The following XYLT2 variants were observed in gnomAD, a reference collection of about 807,000 sequenced individuals.
XYLT2 encodes the protein xylosyltransferase 2.
In XYLT2, 37 loss-of-function variants were observed where a neutral mutation model predicts 82.6. The observed-to-expected ratio is 0.45, with a 90% CI of 0.34 to 0.59. The LOEUF (loss-of-function observed/expected upper bound fraction) is 0.59, where lower values mean the gene tolerates loss of function less well. Ranked by LOEUF, XYLT2 falls within the 20% of genes least tolerant of loss-of-function variation. XYLT2 has a pLI of 0.01. For synonymous variants in XYLT2, 474 were observed against 499.0 expected (o/e 0.95, Z 0.67); for missense variants, 934 against 1,181.3 (o/e 0.79, Z 3.07).
Position 50,353,996 on chromosome 17 carries a change from G to C in XYLT2, c.502G>C (p.Asp168His). ...CCCCAAGTGCGAGATCGTGGGCAAG[G>C]ACGCACTGTCTGCACTGGCCCGGGC... is the stretch of plus-strand genomic sequence containing the variant. ...FTPKCEIVGKDALSALARAST... is the reference protein window; with the variant it reads ...FTPKCEIVGKHALSALARAST... Residue 168 changes from aspartate to histidine, a missense_variant, in exon 2 of 11, where the codon GAC becomes CAC. This residue lies in a region of XYLT2 where 371 missense variants were observed against 394.9 expected (regional missense o/e 0.94). Coordinates refer to ENST00000017003, the MANE Select transcript of XYLT2 (RefSeq NM_022167.4). 1.2e-6 allele frequency: 2 copies of C among 1,606,910 alleles called. No individual in the cohort carries two copies. The highest frequency in any genetic ancestry group is 1.7e-6 in the Non-Finnish European group (2 of 1,179,924).
Position 50,360,866 on chromosome 17 carries a change from G to C in XYLT2, c.*575G>C. Reference sequence around the variant, plus strand: ...AACAGGTGATATCGGGGGCGCTGCAGAGCTGGGCTCTAGCAGGACAGTTCT... The same window carrying C: ...AACAGGTGATATCGGGGGCGCTGCACAGCTGGGCTCTAGCAGGACAGTTCT... On this transcript the variant is annotated 3_prime_UTR_variant, in exon 11 of 11. Coordinates refer to ENST00000017003, the MANE Select transcript of XYLT2 (RefSeq NM_022167.4). 1.0e-6 allele frequency: 1 copy of C among 985,974 alleles called. No individual in the cohort carries two copies. Among genetic ancestry groups the C allele is most frequent in the Non-Finnish European group, 1.2e-6 (1 of 830,006 alleles). The allele number at this position is 985,974 out of a possible 1,614,324, so 61.1% of individuals were successfully genotyped here.
In XYLT2 at chr17:50,353,768, G is replaced by A. The variant is rs369894723; in HGVS notation, c.274G>A (p.Val92Met). The A allele has an allele frequency of 1.3e-5, 20 of 1,559,096 alleles. No homozygotes were observed. Among genetic ancestry groups the A allele is most frequent in the African/African-American group, 1.1e-4 (8 of 73,510 alleles). The change falls in exon 2 of 11, where the codon GTG (valine) becomes ATG (methionine). Residue 92 changes from valine (V) to methionine (M), a missense_variant. Physicochemically the swap from Val to Met is conservative, Grantham distance 21. Coordinates refer to ENST00000017003, the MANE Select transcript of XYLT2 (RefSeq NM_022167.4). ...RGRAESPGVP[V>M]AKVVRAVTSR... is the part of the protein sequence containing the mutation. The stretch of plus-strand genomic sequence containing the variant: ...CCGTGCTGAGAGCCCAGGAGTGCCC[G>A]TGGCCAAGGTGGTACGGGCAGTAAC...
chr17:50,360,719 G>A lies in XYLT2; in HGVS notation c.*428G>A, dbSNP rs976905473. 3 of 991,086 alleles carry A rather than the reference G, an allele frequency of 3.0e-6. No homozygotes were observed. In the East Asian group the frequency reaches 3.3e-4, roughly 110 times the overall value. 61.4% of individuals were successfully genotyped at this position (991,086 alleles called of 1,614,324 possible). A position where few individuals can be genotyped will look rare whatever the true frequency, so the allele number is the denominator to read the frequency against. Reference sequence around the variant, plus strand: ...GGGCTTGCTGAGCCCACCTGCTATTGTTCTGCACGAGGCTGGGCCTGCCTC... The same window carrying A: ...GGGCTTGCTGAGCCCACCTGCTATTATTCTGCACGAGGCTGGGCCTGCCTC... On this transcript the variant is annotated 3_prime_UTR_variant, in exon 11 of 11. Coordinates refer to ENST00000017003, the MANE Select transcript of XYLT2 (RefSeq NM_022167.4).
chr17:50,357,180 G>A lies in XYLT2; in HGVS notation c.1869G>A (p.Met623Ile), dbSNP rs765381121. 6.2e-7 allele frequency: 1 copy of A among 1,612,510 alleles called. No individual in the cohort carries two copies. The highest frequency in any genetic ancestry group is 2.2e-5 in the East Asian group (1 of 44,882). ...AGGGGCCGGCAGAGACGCTTGAGAT[G>A]TGGCTGATGCCCCAAGGGTCGCTGA... ...SAQGPAETLE[M>I]WLMPQGSLKL... The change falls in exon 9 of 11, where the codon ATG becomes ATA. Residue 623 changes from methionine (M) to isoleucine (I), a missense_variant. Met to Ile is a conservative substitution (Grantham distance 10). Transcript: ENST00000017003.
chr17:50,354,388 C>CGCCT lies in XYLT2; in HGVS notation c.629-18_629-15dup. 2 of 1,593,238 alleles carry CGCCT rather than the reference C, an allele frequency of 1.3e-6. No individual in the cohort carries two copies. ...TGTGACCTAGGGTGGGCCTCGCCAACGCCTGTCCTCTGCTCTCAGGGAAGA... is the reference window on the plus strand; with the variant it reads ...TGTGACCTAGGGTGGGCCTCGCCAACGCCTGCCTGTCCTCTGCTCTCAGGGAAGA... On this transcript the variant is annotated intron_variant, in intron 2 of 10. Coordinates refer to ENST00000017003, the MANE Select transcript of XYLT2 (RefSeq NM_022167.4).
In XYLT2 at chr17:50,356,280, A is replaced by G; in HGVS notation, c.1482+19A>G. On this transcript the variant is annotated intron_variant, in intron 7 of 10. Coordinates refer to ENST00000017003, the MANE Select transcript of XYLT2 (RefSeq NM_022167.4). ...GCTGCAGGTGCTTGCCCGAGGCCCC[A>G]AGGCCCCTGGCTAGGTCTTCTCCCC... is the stretch of plus-strand genomic sequence containing the variant. 5 of 1,610,358 alleles carry G rather than the reference A, an allele frequency of 3.1e-6. No individual in the cohort carries two copies. Among genetic ancestry groups the G allele is most frequent in the Non-Finnish European group, 4.2e-6 (5 of 1,177,038 alleles).
chr17:50,354,553 G>T lies in XYLT2; in HGVS notation c.774G>T (p.Glu258Asp). The T allele has an allele frequency of 6.2e-7, 1 of 1,611,742 alleles. No individual in the cohort carries two copies. ...LKRLLKAVYH[E>D]QHFFYIHVDK... ...GTCTCCTCAAGGCCGTTTATCACGA[G>T]CAGCACTTCTTTTACATCCATGTGG... The change falls in exon 3 of 11, where the codon GAG becomes GAT. Residue 258 changes from glutamate to aspartate, a missense_variant. Physicochemically the swap from Glu to Asp is conservative, Grantham distance 45. Around this residue, in one of 3 missense-constraint regions of XYLT2, gnomAD observed 371 missense variants for 394.9 expected, o/e 0.94. Transcript: ENST00000017003.
At chr17:50,347,588 G>A (rs751126031) in intron 1 of XYLT2, among the ~76,000 whole-genome samples, 1 of 152,208 alleles carries the variant, frequency 6.6e-6, no homozygotes, top group Non-Finnish European at 1.5e-5. Flanking sequence ...ATTCCAAGAT[G>A]GAATGGGCTG....
chr17:50,359,319 G>A (rs562790045), intron 10 of XYLT2: 2 of 152,742 alleles, frequency 1.3e-5, no homozygotes, highest in African/African-American at 4.8e-5. Context: ...TGAGGGATGA[G>A]CCTCTGGAGG....
Position 50,360,295 on chromosome 17 carries a change from G to A in XYLT2, c.*4G>A, listed in dbSNP as rs752194705. 2.9e-5 allele frequency: 46 copies of A among 1,578,696 alleles called. No individual in the cohort carries two copies. The highest frequency in any genetic ancestry group is 4.0e-5 in the Non-Finnish European group (46 of 1,160,806). ...AGCAGACGGGCGACTCAGGTAGCAGGGCCCCAGCCAGTACCCGTGGAGGAC... is the reference window on the plus strand; with the variant it reads ...AGCAGACGGGCGACTCAGGTAGCAGAGCCCCAGCCAGTACCCGTGGAGGAC... On this transcript the variant is annotated 3_prime_UTR_variant, in exon 11 of 11. Coordinates refer to ENST00000017003, the MANE Select transcript of XYLT2 (RefSeq NM_022167.4).
chr17:50,356,105 G>A lies in XYLT2; in HGVS notation c.1326G>A (p.Leu442=). ...LPAESFFHTV[L]ENSLACETLV... ...TGCAGTCCTTCTTCCACACGGTGCT[G>A]GAGAACAGCCTGGCCTGTGAGACCC... Residue 442 remains leucine (L), a synonymous_variant, in exon 7 of 11, where the codon CTG becomes CTA. Coordinates refer to ENST00000017003, the MANE Select transcript of XYLT2 (RefSeq NM_022167.4). 1 of 1,614,246 alleles carries A rather than the reference G, an allele frequency of 6.2e-7. No homozygotes were observed. The highest frequency in any genetic ancestry group is 8.5e-7 in the Non-Finnish European group (1 of 1,180,038).
intron 9 of XYLT2, chr17:50,357,607 T>C (rs1912603051): frequency 9.5e-6 from 2 of 209,524 alleles, no homozygotes; most frequent in Non-Finnish European, 1.9e-5. Flanking sequence ...TTTTTTTTTT[T>C]TTGAGACAGT....
At chr17:50,349,752 T>C (rs1598347635) in intron 1 of XYLT2, among the ~76,000 whole-genome samples, 1 of 151,822 alleles carries the variant, frequency 6.6e-6, no homozygotes, top group Non-Finnish European at 1.5e-5. Flanking sequence ...AGTGGGTAGG[T>C]TGGGGGAAGT....
At chr17:50,355,101 T>C (rs1912461412) in intron 4 of XYLT2, 45 bp downstream of exon 4, 2 of 1,510,576 alleles carry the variant, frequency 1.3e-6, no homozygotes, top group East Asian at 2.3e-5. Flanking sequence ...AGGGGACCCC[T>C]GTCTGGGCAC....
chr17:50,356,340 G>A, intron 7 of XYLT2, 79 bp downstream of exon 7: 1 of 1,571,898 alleles, frequency 6.4e-7, no homozygotes, highest in South Asian at 1.2e-5. Flanking sequence ...GGGTGGGCCA[G>A]TAAGAGAATC....
At chr17:50,350,291 C>G (rs144493237) in intron 1 of XYLT2, among the ~76,000 whole-genome samples, 1,290 of 98,124 alleles carry the variant, frequency 0.013, 363 homozygotes, top group African/African-American at 0.042. Context: ...TAAGGCCAGG[C>G]ACAGTGGCTT....
chr17:50,351,723 G>A (rs891589735), intron 1 of XYLT2, among the ~76,000 whole-genome samples: 1 of 152,216 alleles, frequency 6.6e-6, no homozygotes. Context: ...GATGAAGTAG[G>A]AGCAGGTTGG....
At chr17:50,357,002 C>CA in intron 8 of XYLT2, 55 bp from the exon 9 acceptor site, 12 of 1,537,606 alleles carry the variant, frequency 7.8e-6, no homozygotes, top group Non-Finnish European at 1.1e-5. Context: ...CCTGGGACTC[C>CA]AGGCCAAGTC....
At chr17:50,359,941 G>A (rs1912726623) in intron 10 of XYLT2, 28 bp from the exon 11 acceptor site, 1 of 1,531,428 alleles carries the variant, frequency 6.5e-7, no homozygotes, top group Non-Finnish European at 8.8e-7. Context: ...TGCAGGGGGT[G>A]TGCTTACTGC....
Sources: gnomAD v4.1 joint callset for allele counts (sites outside exome capture counted in the v4.1 genomes callset) on GRCh38, gnomAD v4.1.1 for gene constraint, gnomAD v4.1.1 regional missense constraint, MANE v1.5 for transcripts, NCBI Gene and HGNC (gene_info 2026-07-23, HGNC 2026-07-21) for gene names.